Variants in IL16 observed in about 807,000 individuals in gnomAD.
IL16 encodes interleukin 16, also known as pro-interleukin-16.
IL16 carries 67 observed loss-of-function variants against 110.1 expected under a neutral mutation model. The observed-to-expected ratio is 0.61, with a 90% CI of 0.50 to 0.75. The LOEUF (loss-of-function observed/expected upper bound fraction) is 0.75, where lower values mean the gene tolerates loss of function less well. Ranked by LOEUF, IL16 falls within the 30% of genes least tolerant of loss-of-function variation. IL16 has a pLI of 0.00. For missense variants in IL16, 1,545 were observed against 1,655.0 expected, an observed-to-expected ratio of 0.93 and a Z score of 1.15; for synonymous variants, 689 against 662.9, an observed-to-expected ratio of 1.04 and a Z score of -0.61.
Position 81,313,419 on chromosome 15 carries a change from C to T in IL16, c.*4621C>T. On this transcript the variant is annotated 3_prime_UTR_variant, in exon 19 of 19. Transcript: ENST00000683961. ...GGTGGGTTCCCTGTGAAGGCAACAG[C>T]AGAGCTGTGTTATGATCTGCAGCAG... The T allele has an allele frequency of 1.3e-6, 2 of 1,524,800 alleles. No homozygotes were observed. The highest frequency in any genetic ancestry group is 1.8e-6 in the Non-Finnish European group (2 of 1,132,970). The allele number at this position is 1,524,800 out of a possible 1,614,324, so 94.5% of individuals were successfully genotyped here. A position where few individuals can be genotyped will look rare whatever the true frequency, so the allele number is the denominator to read the frequency against.
At chr15:81,226,561 C>T (rs963102257) in intron 2 of IL16, among the ~76,000 whole-genome samples, 4 of 152,188 alleles carry the variant, frequency 2.6e-5, no homozygotes, top group African/African-American at 7.2e-5. Flanking sequence ...CATTCCAGTA[C>T]CTTTGAAAGG....
At chr15:81,306,212 T>A in intron 17 of IL16, 46 bp downstream of exon 17, 1 of 1,592,012 alleles carries the variant, frequency 6.3e-7, no homozygotes, top group Non-Finnish European at 8.6e-7. Context: ...CACATCCTCT[T>A]TGGCCATTTG....
At chr15:81,265,898 T>C in intron 4 of IL16, 97 bp downstream of exon 4, 1 of 1,191,484 alleles carries the variant, frequency 8.4e-7, no homozygotes, top group East Asian at 2.6e-5. Flanking sequence ...TCCCAGTAGT[T>C]TTTTTGTCCG....
At chr15:81,187,517 T>C (rs554643976) in intron 1 of IL16, among the ~76,000 whole-genome samples, 2 of 151,946 alleles carry the variant, frequency 1.3e-5, no homozygotes, top group South Asian at 4.2e-4. Context: ...GTTGCTTGAG[T>C]CTGGGAGGTT....
intron 2 of IL16, among the ~76,000 whole-genome samples, chr15:81,243,164 T>TATATATATATA (rs60077602): frequency 1.4e-3 from 22 of 15,732 alleles, no homozygotes; most frequent in Admixed American, 5.9e-3. Flanking sequence ...TATATATATA[T>TATATATATATA]TTTTTTTTTT....
chr15:81,238,190 C>T (rs1232701021), intron 2 of IL16, among the ~76,000 whole-genome samples: 2 of 152,214 alleles, frequency 1.3e-5, no homozygotes, highest in African/African-American at 4.8e-5. Flanking sequence ...GCGTGAGCCA[C>T]TGCGCCCGGC....
intron 10 of IL16, 42 bp downstream of exon 10, chr15:81,285,872 G>T: frequency 6.2e-7 from 1 of 1,602,782 alleles, no homozygotes; most frequent in Non-Finnish European, 8.5e-7. Flanking sequence ...AGGCTCACTC[G>T]TTCAGTACCA....
intron 12 of IL16, among the ~76,000 whole-genome samples, chr15:81,293,648 G>T (rs1048720753): frequency 2.6e-5 from 4 of 152,174 alleles, no homozygotes; most frequent in Admixed American, 2.6e-4. Flanking sequence ...CCTTCCAAGG[G>T]CTATTGTGAG....
intron 1 of IL16, among the ~76,000 whole-genome samples, chr15:81,224,529 C>A (rs1395899016): frequency 3.9e-5 from 6 of 152,218 alleles, no homozygotes; most frequent in African/African-American, 1.4e-4. Flanking sequence ...GCAGGAGCCC[C>A]TGGGCCTGAC....
intron 14 of IL16, 61 bp from the exon 15 acceptor site, chr15:81,301,283 A>G (rs1244176846): frequency 4.1e-6 from 6 of 1,461,588 alleles, no homozygotes; most frequent in East Asian, 4.6e-5. Context: ...TAATTATACA[A>G]TCACTGTTAC....
chr15:81,220,301 T>G (rs1896570373), intron 1 of IL16, among the ~76,000 whole-genome samples: 1 of 152,062 alleles, frequency 6.6e-6, no homozygotes, highest in Non-Finnish European at 1.5e-5. Context: ...TGCTGGCTAG[T>G]TTTTTTGTTT....
intron 2 of IL16, among the ~76,000 whole-genome samples, chr15:81,232,079 A>T (rs1160394985): frequency 2.0e-3 from 58 of 28,640 alleles, no homozygotes; most frequent in Non-Finnish European, 3.1e-3. Flanking sequence ...TTTTTTTTTC[A>T]CATTTGTTCT....
At chr15:81,189,200 T>G (rs1895462411) in intron 1 of IL16, among the ~76,000 whole-genome samples, 1 of 150,528 alleles carries the variant, frequency 6.6e-6, no homozygotes, top group South Asian at 2.1e-4. Flanking sequence ...CTTGGCTCAC[T>G]GCAACCTCCA....
chr15:81,189,273 G>A (rs1895463753), intron 1 of IL16, among the ~76,000 whole-genome samples: 1 of 151,916 alleles, frequency 6.6e-6, no homozygotes, highest in Non-Finnish European at 1.5e-5. Context: ...ACAGGAGCCT[G>A]CCATCGTGCC....
chr15:81,264,529 T>C (rs1258701929), intron 3 of IL16, among the ~76,000 whole-genome samples: 1 of 152,186 alleles, frequency 6.6e-6, no homozygotes, highest in African/African-American at 2.4e-5. Context: ...AACCCAACCC[T>C]GCTCCATCCT....
At chr15:81,280,767 G>T (rs1259964361) in intron 8 of IL16, among the ~76,000 whole-genome samples, 1 of 152,202 alleles carries the variant, frequency 6.6e-6, no homozygotes, top group Non-Finnish European at 1.5e-5. Flanking sequence ...GCCTCTGTAT[G>T]CCTGCAAGCC....
At chr15:81,202,585 TG>T (rs1233992146) in intron 1 of IL16, among the ~76,000 whole-genome samples, 1 of 151,996 alleles carries the variant, frequency 6.6e-6, no homozygotes, top group Non-Finnish European at 1.5e-5. Flanking sequence ...TTTGGTTTTT[TG>T]TCCTTGCAAT....
intron 1 of IL16, among the ~76,000 whole-genome samples, chr15:81,205,884 A>G (rs183836826): frequency 2.8e-4 from 42 of 152,350 alleles, no homozygotes; most frequent in Admixed American, 5.2e-4. Flanking sequence ...GTCAGACAAA[A>G]TAAAAATTGA....
At chr15:81,194,257 C>T (rs538700557), upstream of IL16, among the ~76,000 whole-genome samples, 176 of 152,300 alleles carry the variant, frequency 1.2e-3, no homozygotes, top group African/African-American at 4.2e-3. Flanking sequence ...GCTTATTGCT[C>T]TGACCCTAAG....
Sources: gnomAD v4.1 joint callset for allele counts (sites outside exome capture counted in the v4.1 genomes callset) on GRCh38, gnomAD v4.1.1 for gene constraint, MANE v1.5 for transcripts, NCBI Gene and HGNC (gene_info 2026-07-23, HGNC 2026-07-21) for gene names.